PRICKLE4: variants seen among roughly 807,000 people sequenced by gnomAD.
The protein encoded by PRICKLE4 is prickle-like protein 4.
Under a neutral mutation model 43.5 loss-of-function variants are expected in PRICKLE4, and 40 were observed. The ratio of observed to expected loss-of-function variants is 0.92; its 90% CI spans 0.71 to 1.20. The LOEUF (loss-of-function observed/expected upper bound fraction) is 1.20. Among genes scored for constraint, PRICKLE4 ranks in the 50% most tolerant of loss-of-function variants. The pLI, the probability that PRICKLE4 is intolerant of heterozygous loss-of-function variation, is 0.00. For synonymous variants in PRICKLE4, 208 were observed against 197.4 expected (o/e 1.05, Z -0.45); for missense variants, 527 against 491.2 (o/e 1.07, Z -0.69).
In PRICKLE4 at chr6:41,784,192, C is replaced by T; in HGVS notation, c.194C>T (p.Thr65Ile). ...CLDTNQAPNW[T>I]GLQTLLQQLP... ...GACACCAACCAAGCCCCCAACTGGA[C>T]TGGACTTCAGACCCTCCTGCAGCAA... Residue 65 changes from threonine (T) to isoleucine (I), a missense_variant, in exon 4 of 8, where the codon ACT becomes ATT. Transcript: ENST00000458694. 1 of 1,614,124 alleles carries T rather than the reference C, an allele frequency of 6.2e-7. No individual in the cohort carries two copies. The highest frequency in any genetic ancestry group is 8.5e-7 in the Non-Finnish European group (1 of 1,179,974).
At position 41,787,151 on chromosome 6, in the gene PRICKLE4, T is replaced by G. The variant is rs1772678239; in HGVS notation, c.*22T>G. 6.3e-7 allele frequency: 1 copy of G among 1,578,820 alleles called. No individual in the cohort carries two copies. Among genetic ancestry groups the G allele is most frequent in the Non-Finnish European group, 8.6e-7 (1 of 1,167,262 alleles). ...CTAGTGGCGCAGCTCAGAGAGGGGA[T>G]GTGAGTGGGAGGAAAGGGGTCTGTA... On this transcript the variant is annotated 3_prime_UTR_variant, in exon 8 of 8. Transcript: ENST00000458694.
At chr6:41,785,141 C>A in intron 5 of PRICKLE4, 69 bp downstream of exon 5, 1 of 1,584,972 alleles carries the variant, frequency 6.3e-7, no homozygotes, top group Non-Finnish European at 8.6e-7. Context: ...GCAGAAGGGG[C>A]TGGGCTAGCT....
intron 2 of PRICKLE4, among the ~76,000 whole-genome samples, chr6:41,782,852 G>A (rs562449009): frequency 9.8e-5 from 15 of 152,326 alleles, no homozygotes; most frequent in South Asian, 8.3e-4. Context: ...ATTAGGAGCC[G>A]AGAGAGATGC....
rs1327161649 is a variant in PRICKLE4, at chr6:41,785,211, AG to A, written c.379-124del. ...AACCAAGTTTGCAAGCTCTTGGTAT[AG>A]GTTGCAGTGGATGTGGGCTTGCTAG... On this transcript the variant is annotated intron_variant, in intron 5 of 7. Transcript: ENST00000458694. The A allele has an allele frequency of 8.6e-6, 13 of 1,512,588 alleles. No individual in the cohort carries two copies. The Admixed American group carries it at 1.9e-4, about 22-fold the overall frequency. 93.7% of individuals were successfully genotyped at this position (1,512,588 alleles called of 1,614,324 possible).
chr6:41,784,913 T>C (rs759660546), intron 4 of PRICKLE4, 22 bp from the exon 5 acceptor site: 8 of 1,612,016 alleles, frequency 5.0e-6, no homozygotes, highest in South Asian at 3.3e-5. Flanking sequence ...CTCCCAGTAA[T>C]TGTAGAGGAC....
intron 4 of PRICKLE4, 51 bp from the exon 5 acceptor site, chr6:41,784,884 A>C (rs939001731): frequency 1.9e-6 from 3 of 1,608,130 alleles, no homozygotes; most frequent in Non-Finnish European, 2.5e-6. Flanking sequence ...ACCAATGCTC[A>C]ATGTTTTCTG....
chr6:41,785,459 C>G lies in PRICKLE4; in HGVS notation c.501C>G (p.Ile167Met), dbSNP rs756496906. Residue 167 changes from isoleucine (I) to methionine (M), a missense_variant, in exon 6 of 8, where the codon ATC becomes ATG. Ile to Met is a conservative substitution (Grantham distance 10, BLOSUM62 1). Transcript: ENST00000458694. ...GTGGCCAGGCCCTGATAAACCTCAT[C>G]TACTTCTACCATGATGGACAACTCT... ...QACGQALINL[I>M]YFYHDGQLYC... 3.1e-6 allele frequency: 5 copies of G among 1,614,118 alleles called. No individual in the cohort carries two copies. The highest frequency in any genetic ancestry group is 4.2e-6 in the Non-Finnish European group (5 of 1,180,044).
Position 41,784,973 on chromosome 6 carries a change from C to T in PRICKLE4, c.279C>T (p.Ala93=), listed in dbSNP as rs768142560. ...YCLALGEEER[A]ELQLFCARRK... ...TGGCCCTTGGGGAGGAGGAGCGGGC[C>T]GAGCTGCAGCTCTTCTGTGCCAGGC... The change falls in exon 5 of 8, where the codon GCC becomes GCT. Residue 93 remains alanine, a synonymous_variant. Coordinates refer to ENST00000458694, the MANE Select transcript of PRICKLE4 (RefSeq NM_013397.6). 34 of 1,613,856 alleles carry T rather than the reference C, an allele frequency of 2.1e-5. No individual in the cohort carries two copies. The South Asian group carries it at 3.1e-4, about 15-fold the overall frequency.
intron 2 of PRICKLE4, among the ~76,000 whole-genome samples, chr6:41,781,994 T>A (rs567400630): frequency 6.6e-6 from 1 of 152,208 alleles, no homozygotes; most frequent in African/African-American, 2.4e-5. Context: ...CCATTCTACC[T>A]GGTTTCATCT....
chr6:41,783,660 G>A (rs1772588728), intron 3 of PRICKLE4, 55 bp downstream of exon 3: 1 of 1,613,638 alleles, frequency 6.2e-7, no homozygotes, highest in Admixed American at 1.7e-5. Context: ...CCTGTGGAGT[G>A]GCCACCCTTT....
At chr6:41,784,361 G>A (rs1772605559) in intron 4 of PRICKLE4, 123 bp downstream of exon 4, 2 of 765,354 alleles carry the variant, frequency 2.6e-6, no homozygotes, top group Non-Finnish European at 4.1e-6. Context: ...TATGGCACTG[G>A]TTGGGGCGTC....
intron 7 of PRICKLE4, 70 bp from the exon 8 acceptor site, chr6:41,786,692 C>A: frequency 6.2e-7 from 1 of 1,606,488 alleles, no homozygotes. Context: ...TGGGCCTCAC[C>A]CCCACTAGCT....
rs1772682609 is a variant in PRICKLE4 at position 41,787,304 on chromosome 6, CTT to C, written c.*178_*179del. The C allele has an allele frequency of 3.1e-6, 3 of 962,052 alleles. No individual in the cohort carries two copies. The highest frequency in any genetic ancestry group is 2.7e-5 in the East Asian group (1 of 36,902). 59.6% of individuals were successfully genotyped at this position (962,052 alleles called of 1,614,324 possible). A position where few individuals can be genotyped will look rare whatever the true frequency, so the allele number is the denominator to read the frequency against. On this transcript the variant is annotated 3_prime_UTR_variant, in exon 8 of 8. Coordinates refer to ENST00000458694, the MANE Select transcript of PRICKLE4 (RefSeq NM_013397.6). ...CCCTTCAGTACTGCGCGTTCTAAGACTTTTGGCGGAGACTTTCTTGGCAAAAC... is the reference window on the plus strand; with the variant it reads ...CCCTTCAGTACTGCGCGTTCTAAGACTTGGCGGAGACTTTCTTGGCAAAAC...
At chr6:41,782,957 G>A (rs1026827131) in intron 2 of PRICKLE4, among the ~76,000 whole-genome samples, 1 of 152,146 alleles carries the variant, frequency 6.6e-6, no homozygotes, top group Non-Finnish European at 1.5e-5. Flanking sequence ...CACAGAGGCT[G>A]AGAAGGGCTT....
intron 2 of PRICKLE4, among the ~76,000 whole-genome samples, chr6:41,781,993 CT>C (rs1352848838): frequency 2.6e-5 from 4 of 151,952 alleles, no homozygotes; most frequent in African/African-American, 9.7e-5. Context: ...CCCATTCTAC[CT>C]GGTTTCATCT....
chr6:41,780,960 T>G (rs886325829), intron 1 of PRICKLE4, 134 bp downstream of exon 1: 1 of 164,416 alleles, frequency 6.1e-6, no homozygotes, highest in Non-Finnish European at 1.3e-5. Flanking sequence ...ACTCTGGGGA[T>G]CTATCGAGAG....
chr6:41,784,037 A>T, intron 3 of PRICKLE4, 94 bp from the exon 4 acceptor site: 1 of 911,898 alleles, frequency 1.1e-6, no homozygotes, highest in Non-Finnish European at 1.7e-6. Context: ...AAGCTGCTCT[A>T]GATTGGAGAA....
chr6:41,782,366 C>A (rs749864959), intron 2 of PRICKLE4, among the ~76,000 whole-genome samples: 73 of 150,498 alleles, frequency 4.9e-4, no homozygotes, highest in South Asian at 1.7e-3. Context: ...GCCACTGTGC[C>A]CAGCCAATGG....
At position 41,786,316 on chromosome 6, in the gene PRICKLE4, AGGGCAGGCATTCCTT is replaced by A. The variant is rs1307565910; in HGVS notation, c.774_787+1del. The A allele has an allele frequency of 1.9e-6, 3 of 1,566,818 alleles. No homozygotes were observed. The Admixed American group carries it at 5.3e-5, about 28-fold the overall frequency. Reference sequence around the variant, plus strand: ...GCTCGAGCTGGGCCGGGGCACTGGAAGGGCAGGCATTCCTTGGTAAGGGAGAGGATGCAGAGCAAA... The same window carrying A: ...GCTCGAGCTGGGCCGGGGCACTGGAAGGTAAGGGAGAGGATGCAGAGCAAA... On this transcript the variant is annotated inframe_deletion and splice_region_variant, in exon 7 of 8. Transcript: ENST00000458694.
Sources: gnomAD v4.1 joint callset for allele counts (sites outside exome capture counted in the v4.1 genomes callset) on GRCh38, gnomAD v4.1.1 for gene constraint, MANE v1.5 for transcripts, NCBI Gene and HGNC (gene_info 2026-07-23, HGNC 2026-07-21) for gene names.